Variants in VIL1 observed in about 807,000 individuals in gnomAD.
The protein encoded by VIL1 is villin-1.
Under a neutral mutation model 104.0 loss-of-function variants are expected in VIL1, and 86 were observed. The observed-to-expected ratio is 0.83, with a 90% CI of 0.69 to 0.99. VIL1 has a LOEUF of 0.99. Among genes scored for constraint, VIL1 ranks in the 50% least tolerant of loss-of-function variants. The probability of loss-of-function intolerance (pLI) is 0.00; values close to 1 mark genes in which losing one functional copy is unlikely to be tolerated. For synonymous variants in VIL1, 394 were observed against 412.6 expected, an observed-to-expected ratio of 0.95 and a Z score of 0.55; for missense variants, 944 against 1,054.1, an observed-to-expected ratio of 0.90 and a Z score of 1.45.
intron 4 of VIL1, 81 bp downstream of exon 4, chr2:218,425,892 G>A (rs1688972810): frequency 1.4e-6 from 2 of 1,456,010 alleles, no homozygotes; most frequent in African/African-American, 1.4e-5. Flanking sequence ...GAAGAGGCAG[G>A]GACACCCAGA....
chr2:218,443,371 T>C (rs1209222928), intron 19 of VIL1, among the ~76,000 whole-genome samples: 1 of 151,912 alleles, frequency 6.6e-6, no homozygotes, highest in African/African-American at 2.4e-5. Flanking sequence ...CTAATTTTAG[T>C]ATTTTTAGTA....
Position 218,428,046 on chromosome 2 carries a change from G to A in VIL1, c.429G>A (p.Lys143=), listed in dbSNP as rs1689034011. ...SYDVQRLLHV[K]GKRNVVAGEV... is the part of the protein sequence containing the mutation. ...ACGTCCAGAGGCTGCTGCATGTCAA[G>A]GGCAAGAGGAACGTGGTAGCTGGAG... is the stretch of plus-strand genomic sequence containing the variant. The change falls in exon 5 of 20, where the codon AAG becomes AAA. Residue 143 remains lysine (K), a synonymous_variant. Transcript: ENST00000248444. 4 of 1,614,164 alleles carry A rather than the reference G, an allele frequency of 2.5e-6. No homozygotes were observed. Among genetic ancestry groups the A allele is most frequent in the East Asian group, 2.2e-5 (1 of 44,882 alleles).
chr2:218,424,215 C>A, intron 2 of VIL1, 62 bp from the exon 3 acceptor site: 7 of 1,500,206 alleles, frequency 4.7e-6, no homozygotes, highest in Non-Finnish European at 6.5e-6. Context: ...TTGGGCCCTC[C>A]TCCCAGGCCT....
At position 218,429,494 on chromosome 2, in the gene VIL1, G is replaced by A. The variant is rs368829058; in HGVS notation, c.770+7G>A. The A allele has an allele frequency of 3.4e-5, 55 of 1,613,534 alleles. No individual in the cohort carries two copies. In the African/African-American group the frequency reaches 4.4e-4, roughly 13 times the overall value. ...CTGCACTCAAACTGTACCAGTGAGCGCCCAGCGGGGTCTTCCTGGGTGCTG... is the reference window on the plus strand; with the variant it reads ...CTGCACTCAAACTGTACCAGTGAGCACCCAGCGGGGTCTTCCTGGGTGCTG... On this transcript the variant is annotated splice_region_variant and intron_variant, in intron 7 of 19. Transcript: ENST00000248444.
chr2:218,440,702 G>A lies in VIL1; in HGVS notation c.2230-20G>A. On this transcript the variant is annotated intron_variant, in intron 18 of 19. Transcript: ENST00000248444. ...CTGTGCACCAGCTAAAGTAACCAGT[G>A]GTTTCCTTTTCTTTCCTAGGAGGTC... The A allele has an allele frequency of 6.2e-7, 1 of 1,613,610 alleles. No individual in the cohort carries two copies. Among genetic ancestry groups the A allele is most frequent in the Non-Finnish European group, 8.5e-7 (1 of 1,179,724 alleles).
At chr2:218,436,185 C>T (rs1039979924) in intron 15 of VIL1, among the ~76,000 whole-genome samples, 1 of 151,926 alleles carries the variant, frequency 6.6e-6, no homozygotes, top group African/African-American at 2.4e-5. Flanking sequence ...GTCCCTAGTT[C>T]AAAAGCAAAA....
intron 1 of VIL1, 61 bp from the exon 2 acceptor site, chr2:218,423,707 C>A (rs749327900): frequency 2.1e-5 from 33 of 1,552,922 alleles, no homozygotes; most frequent in Non-Finnish European, 2.9e-5. Flanking sequence ...TCTCTAGGGG[C>A]AGGCTGGAAG....
intron 10 of VIL1, chr2:218,431,208 A>C: frequency 2.0e-6 from 1 of 489,390 alleles, no homozygotes; most frequent in Non-Finnish European, 3.6e-6. Flanking sequence ...TAAATTAGCC[A>C]AGCATGGTGG....
chr2:218,436,361 T>C (rs1356640400), intron 15 of VIL1, 121 bp from the exon 16 acceptor site: 18 of 1,312,850 alleles, frequency 1.4e-5, no homozygotes, highest in South Asian at 1.5e-5. Flanking sequence ...AATCAGAAGA[T>C]AGAGCATTTT....
chr2:218,448,860 C>T (rs953106211), intron 19 of VIL1, among the ~76,000 whole-genome samples: 2 of 152,064 alleles, frequency 1.3e-5, no homozygotes, highest in Non-Finnish European at 2.9e-5. Flanking sequence ...CAAAAGTTAC[C>T]AGGGCATGGT....
At chr2:218,444,085 C>T (rs1433507826) in intron 19 of VIL1, among the ~76,000 whole-genome samples, 1 of 152,196 alleles carries the variant, frequency 6.6e-6, no homozygotes. Context: ...CCTGCCTCAA[C>T]CTCCCAAGTA....
chr2:218,439,625 T>G (rs1379555192), intron 18 of VIL1, among the ~76,000 whole-genome samples: 1 of 151,878 alleles, frequency 6.6e-6, no homozygotes. Flanking sequence ...TTGAGACTAG[T>G]CTTCGTAACA....
At position 218,441,687 on chromosome 2, in the gene VIL1, A is replaced by G; in HGVS notation, c.2370+825A>G. Among the ~76,000 whole-genome samples, 2 of 151,938 alleles carry G rather than the reference A, an allele frequency of 1.3e-5. 1 individual carries two copies. The highest frequency in any genetic ancestry group is 1.3e-4 in the Admixed American group (2 of 15,236). ...GGAGTATCATTATGGTTGAAGTAGC[A>G]GAGTGACAGACTTACATTGGCCTGG... On this transcript the variant is annotated intron_variant, in intron 19 of 19. Coordinates refer to ENST00000248444, the MANE Select transcript of VIL1 (RefSeq NM_007127.3).
chr2:218,435,626 T>A (rs1689176873), intron 15 of VIL1, among the ~76,000 whole-genome samples, 192 bp downstream of exon 15: 1 of 152,234 alleles, frequency 6.6e-6, no homozygotes, highest in South Asian at 2.1e-4. Flanking sequence ...ACAGGGGCTG[T>A]GTCTGTGCTG....
At chr2:218,448,702 T>C (rs916947237) in intron 19 of VIL1, among the ~76,000 whole-genome samples, 11 of 151,860 alleles carry the variant, frequency 7.2e-5, no homozygotes, top group African/African-American at 1.9e-4. Flanking sequence ...ATCTTTTTCA[T>C]TGTTAAAAAT....
intron 5 of VIL1, 61 bp downstream of exon 5, chr2:218,428,134 C>T: frequency 6.3e-7 from 1 of 1,595,272 alleles, no homozygotes; most frequent in Non-Finnish European, 8.6e-7. Context: ...AGGGCAGGGG[C>T]TGAGGAGGGG....
chr2:218,449,184 A>T (rs2106399169), intron 19 of VIL1, 39 bp from the exon 20 acceptor site: 2 of 1,468,782 alleles, frequency 1.4e-6, no homozygotes, highest in East Asian at 2.3e-5. Flanking sequence ...GGAAGGAAGG[A>T]TATGTGACCT....
intron 6 of VIL1, among the ~76,000 whole-genome samples, 162 bp from the exon 7 acceptor site, chr2:218,429,123 A>G (rs1427471242): frequency 1.3e-5 from 2 of 152,156 alleles, no homozygotes; most frequent in Non-Finnish European, 2.9e-5. Context: ...GTTTCCTTAC[A>G]TGCCTTAAAA....
chr2:218,442,925 C>G (rs1163632995), intron 19 of VIL1, among the ~76,000 whole-genome samples: 1 of 152,178 alleles, frequency 6.6e-6, no homozygotes. Flanking sequence ...ATTCTCCCAC[C>G]TGTGAGGTTG....
Sources: gnomAD v4.1 joint callset for allele counts (sites outside exome capture counted in the v4.1 genomes callset) on GRCh38, gnomAD v4.1.1 for gene constraint, MANE v1.5 for transcripts, NCBI Gene and HGNC (gene_info 2026-07-23, HGNC 2026-07-21) for gene names.